The following RUNX2 variants were observed in gnomAD, a reference collection of about 807,000 sequenced individuals.
The protein encoded by RUNX2 is runt-related transcription factor 2.
RUNX2 carries 10 observed loss-of-function variants against 51.7 expected under a neutral mutation model. That is an observed-to-expected ratio of 0.19 (90% CI 0.12 to 0.33). The LOEUF is 0.33. Among genes scored for constraint, RUNX2 ranks in the 10% least tolerant of loss-of-function variants. RUNX2 has a pLI of 1.00. For synonymous variants in RUNX2, 276 were observed against 273.6 expected, an observed-to-expected ratio of 1.01 and a Z score of -0.09; for missense variants, 562 against 691.3, an observed-to-expected ratio of 0.81 and a Z score of 2.10.
intron 5 of RUNX2, among the ~76,000 whole-genome samples, chr6:45,452,744 G>GA (rs1161202186): frequency 1.3e-5 from 2 of 152,114 alleles, no homozygotes; most frequent in East Asian, 1.9e-4. Flanking sequence ...TTCTCTAAGG[G>GA]AAAAAAATAA....
intron 2 of RUNX2, among the ~76,000 whole-genome samples, chr6:45,397,842 C>T (rs1797615515): frequency 6.6e-6 from 1 of 152,126 alleles, no homozygotes; most frequent in Non-Finnish European, 1.5e-5. Context: ...CATTTTTAAA[C>T]TTATAACATT....
intron 7 of RUNX2, among the ~76,000 whole-genome samples, chr6:45,533,166 G>A (rs1446044056): frequency 2.0e-5 from 3 of 151,788 alleles, no homozygotes; most frequent in African/African-American, 7.3e-5. Flanking sequence ...GTGTTGAGAG[G>A]GGAATGTTAT....
intron 7 of RUNX2, among the ~76,000 whole-genome samples, chr6:45,525,411 C>T (rs1030577046): frequency 2.6e-5 from 4 of 152,180 alleles, no homozygotes; most frequent in Non-Finnish European, 5.9e-5. Flanking sequence ...TCTTCCATGA[C>T]TCAAGCATGT....
chr6:45,477,774 T>C (rs1799996842), intron 5 of RUNX2, among the ~76,000 whole-genome samples: 2 of 152,212 alleles, frequency 1.3e-5, no homozygotes, highest in Non-Finnish European at 2.9e-5. Flanking sequence ...CCCTTCTAAA[T>C]CTATCTTCCC....
At chr6:45,375,599 C>T (rs1397252808) in intron 2 of RUNX2, among the ~76,000 whole-genome samples, 2 of 116,906 alleles carry the variant, frequency 1.7e-5, no homozygotes, top group East Asian at 3.9e-4. Flanking sequence ...AGGCTGGAAG[C>T]CTGGCCTGAC....
chr6:45,471,273 T>G (rs1262085771), intron 5 of RUNX2, among the ~76,000 whole-genome samples: 1 of 152,042 alleles, frequency 6.6e-6, no homozygotes. Context: ...TTGTAAGGAG[T>G]GTGTATGACT....
intron 5 of RUNX2, among the ~76,000 whole-genome samples, chr6:45,476,575 C>T (rs1483943173): frequency 6.6e-6 from 1 of 152,172 alleles, no homozygotes; most frequent in Admixed American, 6.5e-5. Flanking sequence ...GATTGTCATG[C>T]AGTTGGGAGG....
chr6:45,383,485 A>C (rs1323907887), intron 2 of RUNX2, among the ~76,000 whole-genome samples: 1 of 152,186 alleles, frequency 6.6e-6, no homozygotes, highest in African/African-American at 2.4e-5. Context: ...TTGAATTTGT[A>C]ACATTCTATA....
At chr6:45,437,019 ATGATTAACCGTTGCAAATCTAAC>A (rs1403656279) in intron 4 of RUNX2, among the ~76,000 whole-genome samples, 3 of 152,190 alleles carry the variant, frequency 2.0e-5, no homozygotes, top group Non-Finnish European at 4.4e-5. Context: ...ACTATCTGAC[ATGATTAACCGTTGCAAATCTAAC>A]TGATTACAAC....
At chr6:45,442,772 T>G (rs1436128284) in intron 5 of RUNX2, among the ~76,000 whole-genome samples, 1 of 152,292 alleles carries the variant, frequency 6.6e-6, no homozygotes. Flanking sequence ...GGGTCTATCA[T>G]GTAGCTGCAA....
intron 2 of RUNX2, among the ~76,000 whole-genome samples, chr6:45,419,663 G>A (rs1798136987): frequency 6.6e-6 from 1 of 152,186 alleles, no homozygotes; most frequent in Non-Finnish European, 1.5e-5. Context: ...GGACGCGGCG[G>A]TGCCCGGGGT....
intron 2 of RUNX2, among the ~76,000 whole-genome samples, chr6:45,385,240 A>C (rs1797325076): frequency 6.6e-6 from 1 of 152,140 alleles, no homozygotes; most frequent in Middle Eastern, 3.2e-3. Context: ...GTCAGCTGAG[A>C]TCTCCCTGGG....
chr6:45,502,775 A>G (rs1269769528), intron 6 of RUNX2, among the ~76,000 whole-genome samples: 2 of 152,316 alleles, frequency 1.3e-5, no homozygotes, highest in East Asian at 3.9e-4. Context: ...GGAGATTTTA[A>G]AAATGCATGT....
At chr6:45,468,357 T>C (rs925984561) in intron 5 of RUNX2, among the ~76,000 whole-genome samples, 2 of 152,204 alleles carry the variant, frequency 1.3e-5, no homozygotes, top group African/African-American at 4.8e-5. Context: ...TCATATATTT[T>C]AATATCTAAA....
chr6:45,385,842 T>C (rs1416338040), intron 2 of RUNX2, among the ~76,000 whole-genome samples: 2 of 152,096 alleles, frequency 1.3e-5, no homozygotes, highest in African/African-American at 2.4e-5. Flanking sequence ...GGAGGTTGTG[T>C]TGAGCGAAGA....
At chr6:45,432,507 T>C (rs1192354801) in intron 4 of RUNX2, among the ~76,000 whole-genome samples, 1 of 152,126 alleles carries the variant, frequency 6.6e-6, no homozygotes, top group Non-Finnish European at 1.5e-5. Context: ...TTAAAAACCA[T>C]GGTTTTTTTT....
chr6:45,477,171 C>T (rs181156038), intron 5 of RUNX2, among the ~76,000 whole-genome samples: 5 of 152,296 alleles, frequency 3.3e-5, no homozygotes, highest in Admixed American at 2.6e-4. Context: ...ACTGGCTCCT[C>T]ATCTTTCTCT....
At chr6:45,416,312 G>A (rs2150358970) in intron 2 of RUNX2, among the ~76,000 whole-genome samples, 1 of 152,286 alleles carries the variant, frequency 6.6e-6, no homozygotes, top group South Asian at 2.1e-4. Context: ...TGAACTGAGA[G>A]TATTATGATT....
intron 2 of RUNX2, among the ~76,000 whole-genome samples, chr6:45,395,553 A>G (rs961394977): frequency 1.3e-5 from 2 of 152,240 alleles, no homozygotes; most frequent in African/African-American, 4.8e-5. Context: ...CAAAAAATTT[A>G]GGGGAAAATG....
Sources: gnomAD v4.1 joint callset for allele counts (sites outside exome capture counted in the v4.1 genomes callset) on GRCh38, gnomAD v4.1.1 for gene constraint, MANE v1.5 for transcripts, NCBI Gene and HGNC (gene_info 2026-07-23, HGNC 2026-07-21) for gene names.